MCF2: variants seen among roughly 807,000 people sequenced by gnomAD.
MCF2 encodes MCF.2 cell line derived transforming sequence.
In MCF2, 44 loss-of-function variants were observed where a neutral mutation model predicts 82.5. That is an observed-to-expected ratio of 0.53 (90% CI 0.42 to 0.69). The LOEUF (loss-of-function observed/expected upper bound fraction) is 0.69. MCF2 is among the 30% of genes least tolerant of loss of function. The pLI, the probability that MCF2 is intolerant of heterozygous loss-of-function variation, is 0.00. For missense variants in MCF2, 623 were observed against 663.1 expected, an observed-to-expected ratio of 0.94 and a Z score of 0.66; for synonymous variants, 217 against 224.9, an observed-to-expected ratio of 0.96 and a Z score of 0.32.
intron 1 of MCF2, among the ~76,000 whole-genome samples, chrX:139,688,968 C>T (rs1484703669): frequency 1.8e-5 from 2 of 111,883 alleles, no homozygotes; most frequent in Non-Finnish European, 3.8e-5. Flanking sequence ...ATCAAACTAC[C>T]TCTTCCTCTT....
chrX:139,667,371 G>A (rs1934554536), intron 1 of MCF2, among the ~76,000 whole-genome samples: 1 of 110,692 alleles, frequency 9.0e-6, no homozygotes, highest in Non-Finnish European at 1.9e-5. Context: ...GCCTCCCAAA[G>A]CACTAGCATT....
At chrX:139,640,475 C>A (rs757132089) in intron 1 of MCF2, among the ~76,000 whole-genome samples, 1 of 111,761 alleles carries the variant, frequency 8.9e-6, no homozygotes, top group South Asian at 3.8e-4. Flanking sequence ...TAGCCCAAAG[C>A]AATACTCCTT....
At chrX:139,597,371 A>T in intron 18 of MCF2, 89 bp downstream of exon 22, 2 of 667,045 alleles carry the variant, frequency 3.0e-6, no homozygotes, top group Non-Finnish European at 4.7e-6. Context: ...TGATTCTTAT[A>T]CGTTATTTCT....
rs753126155 is a variant in MCF2 at position 139,706,141 on chromosome X, G to A, written c.-45+1965C>T. Reference sequence around the variant, plus strand: ...GGTGGAAATGTAAATTAGTCCAGCCGCTGTGGAAAGCAGTCTGGAGATTTC... The same window carrying A: ...GGTGGAAATGTAAATTAGTCCAGCCACTGTGGAAAGCAGTCTGGAGATTTC... On this transcript the variant is annotated intron_variant, in intron 1 of 27. Coordinates refer to the MCF2 transcript ENST00000414978. 2.7e-5 allele frequency among the ~76,000 whole-genome samples: 3 copies of A among 112,592 alleles called. No homozygotes were observed. The Admixed American group carries it at 2.8e-4, about 11-fold the overall frequency.
chrX:139,599,534 T>A (rs1379103024), intron 16 of MCF2, among the ~76,000 whole-genome samples: 1 of 110,751 alleles, frequency 9.0e-6, no homozygotes, highest in Admixed American at 9.6e-5. Flanking sequence ...TATAAACATC[T>A]CTTCCCTGCC....
intron 1 of MCF2, among the ~76,000 whole-genome samples, chrX:139,665,022 C>T (rs1236751844): frequency 9.0e-6 from 1 of 111,254 alleles, no homozygotes; most frequent in Non-Finnish European, 1.9e-5. Context: ...GTGGTTTATC[C>T]TTCTGTGGCT....
intron 4 of MCF2, among the ~76,000 whole-genome samples, chrX:139,628,866 A>C (rs138180106): frequency 1.8e-5 from 2 of 111,498 alleles, no homozygotes; most frequent in East Asian, 5.7e-4. Context: ...AAAGACCTGG[A>C]TAGGAGAGCA....
At chrX:139,619,501 AAT>A in intron 7 of MCF2, 84 bp downstream of exon 10, 2 of 675,605 alleles carry the variant, frequency 3.0e-6, no homozygotes, top group Non-Finnish European at 4.1e-6. Flanking sequence ...TAAAGAAATT[AAT>A]AATAAGGGTT....
rs988628771 is a variant in MCF2 at position 139,617,724 on chromosome X, A to G, written c.808-20T>C. 5 of 1,010,226 alleles carry G rather than the reference A, an allele frequency of 4.9e-6. No homozygotes were observed. The highest frequency in any genetic ancestry group is 5.7e-5 in the Admixed American group (2 of 35,046). 83.3% of individuals were successfully genotyped at this position (1,010,226 alleles called of 1,213,427 possible). A position where few individuals can be genotyped will look rare whatever the true frequency, so the allele number is the denominator to read the frequency against. Reference sequence around the variant, plus strand: ...TAGCTCCTGATTATAACAAAGACAAAAAATAATGAATACATGATCTCTGTT... The same window carrying G: ...TAGCTCCTGATTATAACAAAGACAAGAAATAATGAATACATGATCTCTGTT... On this transcript the variant is annotated intron_variant, in intron 7 of 24. Coordinates refer to ENST00000370576, the Ensembl canonical transcript of MCF2.
At chrX:139,590,068 G>A (rs57852573) in intron 19 of MCF2, 141 bp from the exon 24 acceptor site, 12,587 of 414,142 alleles carry the variant, frequency 0.03, 316 homozygotes, top group East Asian at 0.12. Flanking sequence ...ATATGAAATA[G>A]TAATTACAAT....
upstream of MCF2, chrX:139,645,647 G>C: frequency 8.5e-7 from 1 of 1,177,539 alleles, no homozygotes; most frequent in Non-Finnish European, 1.2e-6. Flanking sequence ...CCGGGAGTCT[G>C]ATCCATTTTG....
chrX:139,707,704 G>T (rs1935617191), intron 1 of MCF2, among the ~76,000 whole-genome samples: 1 of 111,795 alleles, frequency 8.9e-6, no homozygotes, highest in Admixed American at 9.6e-5. Context: ...CCACACCAAG[G>T]TACAGCCATC....
At chrX:139,605,869 A>G (rs1372040554) in intron 12 of MCF2, 90 bp from the exon 17 acceptor site, 2 of 673,514 alleles carry the variant, frequency 3.0e-6, no homozygotes, top group Middle Eastern at 1.0e-3. Flanking sequence ...GAAGGTAAAA[A>G]TAGCTAATGC....
intron 2 of MCF2, among the ~76,000 whole-genome samples, chrX:139,648,781 A>C (rs1216139320): frequency 1.8e-5 from 2 of 112,489 alleles, no homozygotes; most frequent in African/African-American, 3.2e-5. Flanking sequence ...TAGATTTCAG[A>C]GTCGAAAATA....
At chrX:139,666,767 A>G (rs994217684) in intron 1 of MCF2, among the ~76,000 whole-genome samples, 1 of 111,942 alleles carries the variant, frequency 8.9e-6, no homozygotes, top group South Asian at 3.8e-4. Context: ...CTAGGGTTGG[A>G]AAGTTTTCAT....
chrX:139,635,118 A>G (rs6654367), intron 1 of MCF2, among the ~76,000 whole-genome samples: 2,365 of 111,148 alleles, frequency 0.021, 55 homozygotes, highest in African/African-American at 0.07. Flanking sequence ...CATTTGATGT[A>G]AGCAGGGCCA....
At chrX:139,648,312 C>T (rs964421408) in intron 2 of MCF2, among the ~76,000 whole-genome samples, 9 of 110,532 alleles carry the variant, frequency 8.1e-5, no homozygotes, top group Non-Finnish European at 1.5e-4. Flanking sequence ...GCAAAGGTTG[C>T]GGTGAGCCAA....
At chrX:139,600,557 G>A (rs1215256599) in intron 16 of MCF2, among the ~76,000 whole-genome samples, 1 of 111,398 alleles carries the variant, frequency 9.0e-6, no homozygotes, top group East Asian at 2.8e-4. Flanking sequence ...GTGACCCTCA[G>A]CCTTTTCTCC....
intron 4 of MCF2, 136 bp downstream of exon 7, chrX:139,629,559 T>C (rs578039201): frequency 1.3e-4 from 64 of 501,572 alleles, no homozygotes; most frequent in African/African-American, 1.2e-3. Context: ...AGTATAATTT[T>C]TTTTAGTTTT....
Sources: gnomAD v4.1 joint callset for allele counts (sites outside exome capture counted in the v4.1 genomes callset) on GRCh38, gnomAD v4.1.1 for gene constraint, MANE v1.5 for transcripts, NCBI Gene and HGNC (gene_info 2026-07-23, HGNC 2026-07-21) for gene names.